The following MBD5 variants were observed in gnomAD, a reference collection of about 807,000 sequenced individuals.
MBD5 encodes methyl-CpG-binding domain protein 5.
A neutral mutation model predicts 117.3 loss-of-function variants in MBD5; 13 were observed. That is an observed-to-expected ratio of 0.11 (90% CI 0.07 to 0.18). The LOEUF is 0.18. Among genes scored for constraint, MBD5 ranks in the 10% least tolerant of loss-of-function variants. MBD5 has a pLI of 1.00. For synonymous variants in MBD5, 727 were observed against 766.4 expected (o/e 0.95, Z 0.85); for missense variants, 1,879 against 2,093.8 (o/e 0.90, Z 2.00).
chr2:148,269,701 G>T (rs1700939590), intron 3 of MBD5, among the ~76,000 whole-genome samples: 2 of 136,388 alleles, frequency 1.5e-5, no homozygotes, highest in African/African-American at 2.7e-5. Context: ...TAGTATACTT[G>T]GCATACAAGG....
intron 1 of MBD5, among the ~76,000 whole-genome samples, chr2:148,079,788 C>T (rs752659316): frequency 2.0e-4 from 30 of 151,870 alleles, no homozygotes; most frequent in East Asian, 9.8e-4. Flanking sequence ...CCCCGGGAGG[C>T]GGAGGTTGCA....
At chr2:148,323,955 T>C (rs36148161) in intron 3 of MBD5, among the ~76,000 whole-genome samples, 32,729 of 151,966 alleles carry the variant, frequency 0.22, 4,115 homozygotes, top group East Asian at 0.53. Context: ...AGGTTTTCTT[T>C]TAGGGTTTTT....
chr2:148,094,337 A>T (rs766708798), intron 1 of MBD5, among the ~76,000 whole-genome samples: 1 of 152,192 alleles, frequency 6.6e-6, no homozygotes, highest in South Asian at 2.1e-4. Context: ...CCCAAAAGAC[A>T]TGATTGATTT....
intron 11 of MBD5, among the ~76,000 whole-genome samples, chr2:148,501,730 C>A (rs539531234): frequency 1.3e-5 from 2 of 152,292 alleles, no homozygotes; most frequent in East Asian, 1.9e-4. Flanking sequence ...GCTGACCACA[C>A]ACAGACTGGC....
intron 3 of MBD5, among the ~76,000 whole-genome samples, chr2:148,241,065 G>C (rs1700206666): frequency 6.6e-6 from 1 of 151,606 alleles, no homozygotes; most frequent in South Asian, 2.1e-4. Flanking sequence ...TCTATTGGCT[G>C]CTCTTTCTGT....
intron 4 of MBD5, among the ~76,000 whole-genome samples, chr2:148,382,507 G>A (rs1274696848): frequency 6.6e-6 from 1 of 152,040 alleles, no homozygotes; most frequent in Non-Finnish European, 1.5e-5. Context: ...ATAATAATGG[G>A]AGACTTTAAC....
chr2:148,074,506 T>G (rs13415027), intron 1 of MBD5, among the ~76,000 whole-genome samples: 4 of 88,622 alleles, frequency 4.5e-5, no homozygotes, highest in Non-Finnish European at 9.8e-5. Context: ...TTTTTTTTTT[T>G]GTTTTTTTTT....
At chr2:148,221,183 C>T (rs1336287930) in intron 2 of MBD5, among the ~76,000 whole-genome samples, 2 of 152,062 alleles carry the variant, frequency 1.3e-5, no homozygotes, top group African/African-American at 4.8e-5. Flanking sequence ...TGTTGATGGA[C>T]ACTTAGGTTG....
At chr2:148,507,535 A>G (rs7598435) in intron 12 of MBD5, among the ~76,000 whole-genome samples, 149,853 of 151,790 alleles carry the variant, frequency 0.99, 73,999 homozygotes, top group East Asian at 1. Context: ...CGAGGCGGGC[A>G]GATCACGAGG....
chr2:148,485,600 G>C, intron 9 of MBD5, 142 bp from the exon 10 acceptor site: 3 of 676,202 alleles, frequency 4.4e-6, no homozygotes, highest in Non-Finnish European at 7.8e-6. Flanking sequence ...CACTTAGTAA[G>C]ACTTTGAGAA....
chr2:148,422,296 C>G (rs945815948), intron 4 of MBD5, among the ~76,000 whole-genome samples: 1 of 152,118 alleles, frequency 6.6e-6, no homozygotes, highest in African/African-American at 2.4e-5. Flanking sequence ...CAAACAGTGT[C>G]TGGAGTGGAC....
chr2:148,070,256 T>G (rs1245530910), intron 1 of MBD5, among the ~76,000 whole-genome samples: 1 of 152,198 alleles, frequency 6.6e-6, no homozygotes, highest in Non-Finnish European at 1.5e-5. Context: ...TCCAGTTCTA[T>G]CCATGTTGCT....
At chr2:148,320,030 A>C (rs1384382458) in intron 3 of MBD5, among the ~76,000 whole-genome samples, 1 of 152,074 alleles carries the variant, frequency 6.6e-6, no homozygotes, top group Non-Finnish European at 1.5e-5. Context: ...TCTTGTTCTT[A>C]GTTCGTTTTG....
At chr2:148,150,786 C>G (rs148349124) in intron 1 of MBD5, among the ~76,000 whole-genome samples, 46,720 of 151,822 alleles carry the variant, frequency 0.31, 8,326 homozygotes, top group East Asian at 0.46. Flanking sequence ...TTTCTACATT[C>G]ATTTTGTATC....
At chr2:148,107,509 A>G (rs755701388) in intron 1 of MBD5, among the ~76,000 whole-genome samples, 7 of 151,680 alleles carry the variant, frequency 4.6e-5, no homozygotes, top group South Asian at 4.2e-4. Flanking sequence ...ACATCTTGTC[A>G]TGTTATTTTT....
chr2:148,327,514 C>G (rs1404903995), intron 3 of MBD5, among the ~76,000 whole-genome samples: 1 of 152,098 alleles, frequency 6.6e-6, no homozygotes, highest in East Asian at 1.9e-4. Context: ...CACATAGTCC[C>G]ATATTTCTTG....
At chr2:148,442,053 G>T (rs1437945810) in intron 4 of MBD5, among the ~76,000 whole-genome samples, 38 of 151,896 alleles carry the variant, frequency 2.5e-4, no homozygotes, top group Admixed American at 2.5e-3. Context: ...CTATTCTGTA[G>T]GTTGCCTGTT....
At chr2:148,213,063 C>T (rs550390829) in intron 2 of MBD5, among the ~76,000 whole-genome samples, 1 of 152,302 alleles carries the variant, frequency 6.6e-6, no homozygotes, top group Non-Finnish European at 1.5e-5. Context: ...TTCCAGCCAC[C>T]AGCCAGTAAG....
At chr2:148,035,414 A>G (rs1385689319) in intron 1 of MBD5, among the ~76,000 whole-genome samples, 1 of 152,126 alleles carries the variant, frequency 6.6e-6, no homozygotes, top group Non-Finnish European at 1.5e-5. Context: ...AAGCTATTTT[A>G]AAGCTTTCTT....
Sources: allele counts gnomAD v4.1 joint callset (sites outside exome capture counted in the v4.1 genomes callset), GRCh38; gene constraint gnomAD v4.1.1; transcripts MANE v1.5; gene names NCBI Gene and HGNC (gene_info 2026-07-23, HGNC 2026-07-21).